Variants in TTC34 observed in about 807,000 individuals in gnomAD.
TTC34 encodes the protein tetratricopeptide repeat domain 34.
In TTC34, 44 loss-of-function variants were observed where a neutral mutation model predicts 40.7. That is an observed-to-expected ratio of 1.08 (90% CI 0.85 to 1.39). The LOEUF (loss-of-function observed/expected upper bound fraction) is 1.39. TTC34 is among the 40% of genes most tolerant of loss of function. The pLI, the probability that TTC34 is intolerant of heterozygous loss-of-function variation, is 0.00. For synonymous variants in TTC34, 422 were observed against 398.6 expected, an observed-to-expected ratio of 1.06 and a Z score of -0.70; for missense variants, 884 against 838.0, an observed-to-expected ratio of 1.05 and a Z score of -0.68.
chr1:2,660,895 C>G (rs1409128055), intron 6 of TTC34, among the ~76,000 whole-genome samples: 6 of 25,536 alleles, frequency 2.3e-4, no homozygotes, highest in African/African-American at 8.3e-4. Flanking sequence ...ATCTGACAGC[C>G]TGGAACAGCA....
intron 6 of TTC34, among the ~76,000 whole-genome samples, chr1:2,687,760 C>T (rs1470294117): frequency 1.3e-5 from 2 of 150,574 alleles, no homozygotes; most frequent in African/African-American, 2.5e-5. Flanking sequence ...TGGAGCAGAA[C>T]CCACACCCTG....
chr1:2,645,198 T>C lies in TTC34; in HGVS notation c.2497+95A>G. The C allele has an allele frequency of 7.5e-7, 1 of 1,338,126 alleles. No individual in the cohort carries two copies. The highest frequency in any genetic ancestry group is 3.3e-5 in the Admixed American group (1 of 30,334). The allele number at this position is 1,338,126 out of a possible 1,614,324, so 82.9% of individuals were successfully genotyped here. A position where few individuals can be genotyped will look rare whatever the true frequency, so the allele number is the denominator to read the frequency against. ...CTTGGAAGCTGTTGTGGTCCGGGTC[T>C]CTTTCTTCCATTTTTACAGAACAGG... On this transcript the variant is annotated intron_variant, in intron 7 of 8. Transcript: ENST00000401095. This position sits in a 1 kb window ranked among gnomAD's most constrained non-coding sequence, Gnocchi z 4.7.
At chr1:2,684,751 C>G (rs1309618642) in intron 6 of TTC34, among the ~76,000 whole-genome samples, 1 of 133,710 alleles carries the variant, frequency 7.5e-6, no homozygotes, top group African/African-American at 3.3e-5. Flanking sequence ...GGAACAGCAC[C>G]AAAAACCCCA....
At chr1:2,683,605 A>T (rs1640182164) in intron 6 of TTC34, among the ~76,000 whole-genome samples, 2 of 144,268 alleles carry the variant, frequency 1.4e-5, no homozygotes, top group African/African-American at 5.5e-5. Context: ...TCAGGCGAGC[A>T]TCTGACATCC....
intron 6 of TTC34, among the ~76,000 whole-genome samples, chr1:2,753,516 G>A (rs1450557151): frequency 0.045 from 2,530 of 55,814 alleles, 443 homozygotes; most frequent in Non-Finnish European, 0.051. Context: ...AGCATCGGAC[G>A]GCCTGCAACA....
At chr1:2,688,015 G>C (rs1460349681) in intron 6 of TTC34, among the ~76,000 whole-genome samples, 139 of 118,026 alleles carry the variant, frequency 1.2e-3, no homozygotes, top group African/African-American at 4.6e-3. Context: ...ACCCCCAGGC[G>C]AGCATCTGAC....
At chr1:2,643,231 G>T (rs985750357) in intron 8 of TTC34, among the ~76,000 whole-genome samples, 1 of 152,212 alleles carries the variant, frequency 6.6e-6, no homozygotes, top group Non-Finnish European at 1.5e-5. Context: ...GCCGCCTGCC[G>T]AGGGGCGGGG....
intron 6 of TTC34, among the ~76,000 whole-genome samples, chr1:2,698,799 C>A (rs1167185541): frequency 1.3e-5 from 2 of 149,152 alleles, no homozygotes; most frequent in African/African-American, 2.5e-5. Context: ...CGTGGAGCAG[C>A]ACCCCACACC....
chr1:2,677,938 G>A (rs1165112624), intron 6 of TTC34, among the ~76,000 whole-genome samples: 1 of 43,162 alleles, frequency 2.3e-5, no homozygotes. Context: ...TGCACCCCCA[G>A]GTGAGCATCC....
At chr1:2,774,715 C>G (rs1569876010) in intron 6 of TTC34, 1 of 94,930 alleles carries the variant, frequency 1.1e-5, no homozygotes, top group African/African-American at 4.5e-5. Context: ...CCCAGGTGAG[C>G]ATCTGACAGC....
intron 4 of TTC34, among the ~76,000 whole-genome samples, chr1:2,786,933 A>C (rs1643598302): frequency 6.6e-6 from 1 of 152,190 alleles, no homozygotes; most frequent in South Asian, 2.1e-4. Flanking sequence ...GGAAGACGCG[A>C]GAAGGCCCTC....
At chr1:2,694,091 T>A (rs1339494963) in intron 6 of TTC34, among the ~76,000 whole-genome samples, 1 of 141,360 alleles carries the variant, frequency 7.1e-6, no homozygotes, top group African/African-American at 2.7e-5. Context: ...TCTGACAGCC[T>A]GGAACAGCAC....
chr1:2,767,966 CA>C (rs1434728317), intron 6 of TTC34, among the ~76,000 whole-genome samples: 1 of 150,784 alleles, frequency 6.6e-6, no homozygotes, highest in Non-Finnish European at 1.5e-5. Context: ...ACAGCACCCC[CA>C]CTCACAGGTG....
chr1:2,644,595 G>T, intron 7 of TTC34, 117 bp from the exon 8 acceptor site: 1 of 1,082,422 alleles, frequency 9.2e-7, no homozygotes, highest in Non-Finnish European at 1.3e-6. Flanking sequence ...AGCTGATGAT[G>T]GCTCAGCCCA....
Position 2,784,990 on chromosome 1 carries a change from T to TCTGGGCTGCTCTGGGCC in TTC34, c.2059+828_2059+829insGGCCCAGAGCAGCCCAG, listed in dbSNP as rs869214678. 2.0e-3 allele frequency among the ~76,000 whole-genome samples: 296 copies of TCTGGGCTGCTCTGGGCC among 150,942 alleles called. 1 individual carries two copies. The highest frequency in any genetic ancestry group is 5.7e-3 in the African/African-American group (235 of 41,054). ...TGGGCCACTCTGGGCCGCTCTGGGC[T>TCTGGGCTGCTCTGGGCC]GCTCTGGGCCGCTCTGGGCCGCTCT... On this transcript the variant is annotated intron_variant, in intron 5 of 8. Coordinates refer to ENST00000401095, the Ensembl canonical transcript of TTC34.
intron 6 of TTC34, among the ~76,000 whole-genome samples, chr1:2,671,708 AACACCCAG>A (rs1639706839): frequency 2.7e-5 from 1 of 36,958 alleles, no homozygotes; most frequent in Non-Finnish European, 6.2e-5. Context: ...GCAGTGCCCA[AACACCCAG>A]GTGAGCATCT....
chr1:2,758,315 G>C (rs1292149895), intron 6 of TTC34, among the ~76,000 whole-genome samples: 8 of 57,058 alleles, frequency 1.4e-4, no homozygotes, highest in South Asian at 9.1e-4. Context: ...GCACCCATAC[G>C]CCCAGATGAG....
chr1:2,696,509 GC>G (rs1640873343), intron 6 of TTC34, among the ~76,000 whole-genome samples: 3 of 38,230 alleles, frequency 7.8e-5, no homozygotes, highest in Admixed American at 2.9e-4. Flanking sequence ...GCCTGGAGCA[GC>G]ACCCCACACC....
chr1:2,771,609 A>G (rs1394130917), intron 6 of TTC34, among the ~76,000 whole-genome samples: 261 of 16,164 alleles, frequency 0.016, no homozygotes, highest in Non-Finnish European at 0.018. Context: ...CACACCCCCA[A>G]GTGAGCAGGT....
Sources: allele counts gnomAD v4.1 joint callset (sites outside exome capture counted in the v4.1 genomes callset), GRCh38; gene constraint gnomAD v4.1.1; non-coding constraint Gnocchi (gnomAD v3.1); transcripts MANE v1.5; gene names NCBI Gene and HGNC (gene_info 2026-07-23, HGNC 2026-07-21).